Variants in RAB2A observed in about 807,000 individuals in gnomAD.
RAB2A encodes RAB2A, member RAS oncogene family.
Under a neutral mutation model 32.5 loss-of-function variants are expected in RAB2A, and 7 were observed. That is an observed-to-expected ratio of 0.22 (90% CI 0.12 to 0.40). The LOEUF is 0.40. Ranked by LOEUF, RAB2A falls within the 10% of genes least tolerant of loss-of-function variation. The probability of loss-of-function intolerance (pLI) is 1.00; values close to 1 mark genes in which losing one functional copy is unlikely to be tolerated. For missense variants in RAB2A, 108 were observed against 260.7 expected, an observed-to-expected ratio of 0.41 and a Z score of 4.03; for synonymous variants, 79 against 85.2, an observed-to-expected ratio of 0.93 and a Z score of 0.40.
chr8:60,544,708 T>C (rs1226397458), intron 1 of RAB2A, among the ~76,000 whole-genome samples: 1 of 152,054 alleles, frequency 6.6e-6, no homozygotes, highest in Non-Finnish European at 1.5e-5. Flanking sequence ...CATTTTGCAA[T>C]TTTATACATG....
At chr8:60,584,097 T>A in intron 3 of RAB2A, 111 bp from the exon 4 acceptor site, 1 of 842,338 alleles carries the variant, frequency 1.2e-6, no homozygotes, top group Non-Finnish European at 1.9e-6. Flanking sequence ...AGTTTTCTTG[T>A]CTCTCTTTAT....
chr8:60,548,635 C>T (rs1201309721), intron 1 of RAB2A, among the ~76,000 whole-genome samples: 4 of 141,300 alleles, frequency 2.8e-5, no homozygotes, highest in East Asian at 4.5e-4. Flanking sequence ...GCTGGCCGAG[C>T]GGGGGGCTGA....
chr8:60,556,870 C>T (rs1807947549), intron 1 of RAB2A, among the ~76,000 whole-genome samples: 1 of 152,026 alleles, frequency 6.6e-6, no homozygotes, highest in African/African-American at 2.4e-5. Context: ...CTCAAGAAAA[C>T]ATGTGATTTC....
At chr8:60,616,174 C>T (rs1804444958) in intron 6 of RAB2A, among the ~76,000 whole-genome samples, 1 of 152,074 alleles carries the variant, frequency 6.6e-6, no homozygotes, top group Non-Finnish European at 1.5e-5. Flanking sequence ...ATAAAGTATT[C>T]AGTACTATTT....
chr8:60,594,480 T>C (rs934433579), intron 6 of RAB2A, among the ~76,000 whole-genome samples: 8 of 152,146 alleles, frequency 5.3e-5, no homozygotes, highest in African/African-American at 1.9e-4. Flanking sequence ...TGATTTTTGT[T>C]TGTTTGTTTG....
chr8:60,602,169 T>A (rs1023279116), intron 6 of RAB2A, among the ~76,000 whole-genome samples: 1 of 152,162 alleles, frequency 6.6e-6, no homozygotes, highest in Non-Finnish European at 1.5e-5. Context: ...CAAGCCACTG[T>A]GCCTGGGCAG....
chr8:60,602,407 A>G (rs1048783886), intron 6 of RAB2A, among the ~76,000 whole-genome samples: 17 of 152,240 alleles, frequency 1.1e-4, no homozygotes, highest in African/African-American at 4.1e-4. Flanking sequence ...ATTCCTTAAT[A>G]TCTAATATAA....
intron 1 of RAB2A, among the ~76,000 whole-genome samples, chr8:60,530,836 CAT>C (rs1343401766): frequency 6.6e-6 from 1 of 151,930 alleles, no homozygotes. Flanking sequence ...TAGACGGGCA[CAT>C]GTCTTGGCAC....
chr8:60,608,309 T>C (rs1267574594), intron 6 of RAB2A, among the ~76,000 whole-genome samples: 2 of 152,112 alleles, frequency 1.3e-5, no homozygotes, highest in South Asian at 2.1e-4. Context: ...GCAAGAATTA[T>C]ACCTTTTTTT....
intron 3 of RAB2A, among the ~76,000 whole-genome samples, chr8:60,577,260 G>C (rs1346436647): frequency 1.3e-5 from 2 of 151,952 alleles, no homozygotes; most frequent in Admixed American, 6.6e-5. Context: ...TGTTCCCAAG[G>C]CTGGTCAGAA....
At chr8:60,537,208 G>A (rs147088309) in intron 1 of RAB2A, among the ~76,000 whole-genome samples, 2 of 151,988 alleles carry the variant, frequency 1.3e-5, no homozygotes, top group Admixed American at 6.6e-5. Context: ...TATTCTAATC[G>A]TATAAATATT....
In RAB2A at chr8:60,623,448, C is replaced by T. The variant is rs1448215372; in HGVS notation, c.*2679C>T. The T allele has an allele frequency of 1.3e-5, 2 of 152,072 alleles. No individual in the cohort carries two copies. The highest frequency in any genetic ancestry group is 2.4e-5 in the African/African-American group (1 of 41,382). 9.4% of individuals were successfully genotyped at this position (152,072 alleles called of 1,614,324 possible). ...AAGCCCCATCTCAGTTTATTTAGTC[C>T]TGAGGTTGGCAGCATGGGGTTTGAC... On this transcript the variant is annotated 3_prime_UTR_variant, in exon 8 of 8. Coordinates refer to ENST00000262646, the MANE Select transcript of RAB2A (RefSeq NM_002865.3).
intron 1 of RAB2A, among the ~76,000 whole-genome samples, chr8:60,549,843 A>G (rs1260708197): frequency 6.6e-6 from 1 of 151,994 alleles, no homozygotes; most frequent in Non-Finnish European, 1.5e-5. Flanking sequence ...TTTTTTGGTA[A>G]AGATTTAAAT....
chr8:60,589,580 T>G (rs531265723), intron 5 of RAB2A, among the ~76,000 whole-genome samples: 1 of 152,250 alleles, frequency 6.6e-6, no homozygotes, highest in South Asian at 2.1e-4. Flanking sequence ...AAATGAAAGT[T>G]TTTTAATAGT....
intron 6 of RAB2A, among the ~76,000 whole-genome samples, chr8:60,610,054 T>A (rs763936628): frequency 2.0e-4 from 30 of 151,760 alleles, no homozygotes; most frequent in Non-Finnish European, 4.1e-4. Context: ...CTTTGTGGTT[T>A]GAAAAGGCCT....
chr8:60,542,456 G>A (rs1425744082), intron 1 of RAB2A, among the ~76,000 whole-genome samples: 1 of 152,196 alleles, frequency 6.6e-6, no homozygotes, highest in East Asian at 1.9e-4. Flanking sequence ...AGAGGTTGCA[G>A]TGAGTGTCGA....
chr8:60,567,366 G>T (rs916645863), intron 2 of RAB2A, among the ~76,000 whole-genome samples: 5 of 151,934 alleles, frequency 3.3e-5, no homozygotes, highest in Non-Finnish European at 5.9e-5. Context: ...CACCTGCCTT[G>T]GCCTCTCACA....
chr8:60,617,012 A>G (rs1262487582), intron 6 of RAB2A, among the ~76,000 whole-genome samples: 2 of 152,216 alleles, frequency 1.3e-5, no homozygotes, highest in Non-Finnish European at 2.9e-5. Flanking sequence ...TAAACTTTAA[A>G]TTAGGTCTGT....
intron 6 of RAB2A, among the ~76,000 whole-genome samples, chr8:60,606,661 A>G (rs1005974144): frequency 2.6e-5 from 4 of 152,260 alleles, no homozygotes; most frequent in African/African-American, 9.6e-5. Context: ...ACACTAATAT[A>G]CAACCACATA....
Sources: allele counts gnomAD v4.1 joint callset (sites outside exome capture counted in the v4.1 genomes callset), GRCh38; gene constraint gnomAD v4.1.1; transcripts MANE v1.5; gene names NCBI Gene and HGNC (gene_info 2026-07-23, HGNC 2026-07-21).